DGKB: variants seen among roughly 807,000 people sequenced by gnomAD.
The protein encoded by DGKB is 90 kDa diacylglycerol kinase.
DGKB carries 67 observed loss-of-function variants against 114.3 expected under a neutral mutation model. The ratio of observed to expected loss-of-function variants is 0.59; its 90% confidence interval spans 0.48 to 0.72. The LOEUF is 0.72. Ranked by LOEUF, DGKB falls within the 30% of genes least tolerant of loss-of-function variation. The pLI, the probability that DGKB is intolerant of heterozygous loss-of-function variation, is 0.00. For missense variants in DGKB, 907 were observed against 975.2 expected, an observed-to-expected ratio of 0.93 and a Z score of 0.93; for synonymous variants, 398 against 323.1, an observed-to-expected ratio of 1.23 and a Z score of -2.49.
At chr7:14,921,212 C>G (rs186841860) in intron 1 of DGKB, among the ~76,000 whole-genome samples, 2 of 152,082 alleles carry the variant, frequency 1.3e-5, no homozygotes, top group East Asian at 3.9e-4. Flanking sequence ...TTTAGGGTGT[C>G]AAAACTATTC....
chr7:14,687,200 G>T (rs1821859466), intron 9 of DGKB, among the ~76,000 whole-genome samples: 1 of 151,528 alleles, frequency 6.6e-6, no homozygotes, highest in South Asian at 2.1e-4. Context: ...AAAGTCTATT[G>T]TCTCTGACTC....
chr7:14,884,717 C>T (rs555632818), intron 1 of DGKB, among the ~76,000 whole-genome samples: 2 of 152,044 alleles, frequency 1.3e-5, no homozygotes, highest in South Asian at 2.1e-4. Flanking sequence ...AGAATCAATC[C>T]TGATTCATGT....
chr7:14,601,643 C>T (rs962843009), intron 17 of DGKB, among the ~76,000 whole-genome samples: 1 of 152,150 alleles, frequency 6.6e-6, no homozygotes, highest in Non-Finnish European at 1.5e-5. Context: ...ACACCCTCAA[C>T]ACTTTGCTTA....
intron 4 of DGKB, among the ~76,000 whole-genome samples, chr7:14,739,538 T>C (rs1832240089): frequency 6.6e-6 from 1 of 152,212 alleles, no homozygotes; most frequent in African/African-American, 2.4e-5. Context: ...TACCCTTCAA[T>C]GTGTCCGCAT....
At chr7:14,355,055 G>A (rs1814179374) in intron 21 of DGKB, among the ~76,000 whole-genome samples, 1 of 152,132 alleles carries the variant, frequency 6.6e-6, no homozygotes, top group Non-Finnish European at 1.5e-5. Context: ...TGACTATGTT[G>A]AGCTAGACAG....
At chr7:14,761,918 G>A (rs1835756046) in intron 2 of DGKB, among the ~76,000 whole-genome samples, 1 of 152,122 alleles carries the variant, frequency 6.6e-6, no homozygotes, top group East Asian at 1.9e-4. Flanking sequence ...ACAAAAGATT[G>A]GGTCTCCTGG....
intron 14 of DGKB, among the ~76,000 whole-genome samples, chr7:14,627,561 T>C (rs1349068677): frequency 6.6e-6 from 1 of 150,492 alleles, no homozygotes; most frequent in Non-Finnish European, 1.5e-5. Context: ...AGCACCATTA[T>C]AAAATAATGT....
chr7:14,817,312 A>G (rs550546470), intron 2 of DGKB, among the ~76,000 whole-genome samples: 53 of 152,340 alleles, frequency 3.5e-4, no homozygotes, highest in African/African-American at 1.2e-3. Context: ...TGTCAATCAT[A>G]ATACATGTAT....
chr7:14,718,762 G>A, intron 5 of DGKB, 77 bp from the exon 6 acceptor site: 1 of 1,058,756 alleles, frequency 9.4e-7, no homozygotes. Flanking sequence ...AGAAAATAGA[G>A]AACACACAGG....
At chr7:14,938,604 TTTTC>T (rs1369989205) in intron 1 of DGKB, among the ~76,000 whole-genome samples, 4 of 140,148 alleles carry the variant, frequency 2.9e-5, no homozygotes, top group Non-Finnish European at 6.3e-5. Flanking sequence ...ATTATTATTC[TTTTC>T]TTTCTTTCTT....
chr7:14,163,289 C>G (rs1357134414), intron 25 of DGKB, among the ~76,000 whole-genome samples: 1 of 151,998 alleles, frequency 6.6e-6, no homozygotes, highest in Non-Finnish European at 1.5e-5. Context: ...TACATCTTAA[C>G]ATTGTTGCTT....
chr7:14,932,203 ACT>A (rs931962072), intron 1 of DGKB, among the ~76,000 whole-genome samples: 2 of 151,250 alleles, frequency 1.3e-5, no homozygotes, highest in African/African-American at 4.9e-5. Flanking sequence ...AAAGGCACTC[ACT>A]CTCTCTCTCC....
intron 23 of DGKB, among the ~76,000 whole-genome samples, chr7:14,253,376 T>C (rs1027223532): frequency 5.3e-5 from 8 of 152,142 alleles, no homozygotes; most frequent in Admixed American, 4.6e-4. Context: ...TGCCAACTCC[T>C]ATTCTGCCGT....
At chr7:14,865,265 C>T (rs950985389) in intron 1 of DGKB, among the ~76,000 whole-genome samples, 3 of 152,164 alleles carry the variant, frequency 2.0e-5, no homozygotes, top group Non-Finnish European at 2.9e-5. Flanking sequence ...GTTCCATTGC[C>T]TTTTCTCCTA....
intron 23 of DGKB, among the ~76,000 whole-genome samples, chr7:14,285,713 A>T (rs141744955): frequency 3.9e-5 from 6 of 152,284 alleles, no homozygotes; most frequent in African/African-American, 7.2e-5. Context: ...ATTATGAAAT[A>T]TATTTTTGGA....
At chr7:14,273,846 A>T (rs1034292241) in intron 23 of DGKB, among the ~76,000 whole-genome samples, 2 of 152,196 alleles carry the variant, frequency 1.3e-5, no homozygotes, top group Non-Finnish European at 2.9e-5. Flanking sequence ...GAGTATGTAT[A>T]TATGTGTGCA....
At chr7:14,348,810 T>A in intron 21 of DGKB, among the ~76,000 whole-genome samples, 1 of 151,832 alleles carries the variant, frequency 6.6e-6, no homozygotes, top group African/African-American at 2.4e-5. Context: ...AGCATGTGAA[T>A]GGATAAGTAG....
At chr7:14,917,213 C>T (rs1190563317) in intron 1 of DGKB, among the ~76,000 whole-genome samples, 1 of 151,824 alleles carries the variant, frequency 6.6e-6, no homozygotes, top group Non-Finnish European at 1.5e-5. Context: ...TCAAGTCTTC[C>T]ATCTTAGGAC....
Position 14,794,757 on chromosome 7 carries a change from T to A in DGKB, c.71-37026A>T, listed in dbSNP as rs150473274. On this transcript the variant is annotated intron_variant, in intron 2 of 25. Transcript: ENST00000402815. The stretch of plus-strand genomic sequence containing the variant: ...TTGAAAAAGAATGGGATCCTCTAAG[T>A]TGGAAAGGGAACACGTGGGATAGAT... Among the ~76,000 whole-genome samples the A allele has an allele frequency of 8.4e-3, 1,283 of 152,152 alleles. 14 individuals carry two copies. Among genetic ancestry groups the A allele is most frequent in the African/African-American group, 0.028 (1,183 of 41,522 alleles).
Sources: allele counts gnomAD v4.1 joint callset (sites outside exome capture counted in the v4.1 genomes callset), GRCh38; gene constraint gnomAD v4.1.1; transcripts MANE v1.5; gene names NCBI Gene and HGNC (gene_info 2026-07-23, HGNC 2026-07-21).